The following OGG1 variants were observed in gnomAD, a reference collection of about 807,000 sequenced individuals.
The protein encoded by OGG1 is N-glycosylase/DNA lyase.
OGG1 carries 35 observed loss-of-function variants against 42.3 expected under a neutral mutation model. The ratio of observed to expected loss-of-function variants is 0.83; its 90% confidence interval spans 0.63 to 1.10. The LOEUF is 1.10. OGG1 is among the 50% of genes least tolerant of loss of function. The pLI, the probability that OGG1 is intolerant of heterozygous loss-of-function variation, is 0.00. For synonymous variants in OGG1, 189 were observed against 179.0 expected (o/e 1.06, Z -0.44); for missense variants, 484 against 446.7 (o/e 1.08, Z -0.75).
At chr3:9,756,315 A>C (rs1251958214) in intron 4 of OGG1, among the ~76,000 whole-genome samples, 156 bp from the exon 5 acceptor site, 3 of 152,234 alleles carry the variant, frequency 2.0e-5, no homozygotes, top group African/African-American at 2.4e-5. Flanking sequence ...AACAAACAAA[A>C]AAAAAGTGTA....
intron 4 of OGG1, among the ~76,000 whole-genome samples, chr3:9,755,914 C>T (rs187093041): frequency 9.9e-4 from 151 of 152,314 alleles, no homozygotes; most frequent in Admixed American, 2.6e-3. Context: ...CTTTCAAAGC[C>T]TCAGTTTTCT....
At chr3:9,787,210 A>C in intron 3 of OGG1, 1 of 1,614,190 alleles carries the variant, frequency 6.2e-7, no homozygotes, top group South Asian at 1.1e-5. Context: ...TTTAGTGTCC[A>C]GTTCGGTCAG....
downstream of OGG1, chr3:9,757,441 G>C (rs2077631524): frequency 1.9e-6 from 3 of 1,607,360 alleles, no homozygotes; most frequent in African/African-American, 4.0e-5. The surrounding 1 kb of genome is among the most constrained non-coding windows in gnomAD (Gnocchi z 4.5). Flanking sequence ...CAGGTGAGGA[G>C]GGGACAGGGC....
intron 2 of OGG1, 36 bp downstream of exon 2, chr3:9,751,228 G>A (rs764290668): frequency 1.2e-6 from 2 of 1,607,746 alleles, no homozygotes; most frequent in South Asian, 1.1e-5. Context: ...TAGGGTTCTT[G>A]GACATAAGTC....
At chr3:9,771,926 C>T (rs969245349) in intron 2 of OGG1, among the ~76,000 whole-genome samples, 2 of 149,846 alleles carry the variant, frequency 1.3e-5, no homozygotes, top group African/African-American at 4.9e-5. Flanking sequence ...AAGCAATTCT[C>T]CTGCCTCAGC....
At chr3:9,780,645 G>T in intron 2 of OGG1, 1 of 1,305,880 alleles carries the variant, frequency 7.7e-7, no homozygotes. Context: ...GCCCAGGCTG[G>T]CATGCCTGTG....
intron 2 of OGG1, among the ~76,000 whole-genome samples, chr3:9,778,789 A>C (rs2078398311): frequency 6.6e-6 from 1 of 152,166 alleles, no homozygotes; most frequent in Non-Finnish European, 1.5e-5. Context: ...TTGACTGGCC[A>C]AGCTGGGGTC....
chr3:9,761,667 C>T (rs945677826), downstream of OGG1: 2 of 1,614,190 alleles, frequency 1.2e-6, no homozygotes, highest in Non-Finnish European at 1.7e-6. Context: ...GTGGAGAGCA[C>T]ACTGCCCGGG....
At chr3:9,751,253 C>T in intron 2 of OGG1, 61 bp downstream of exon 2, 1 of 1,564,876 alleles carries the variant, frequency 6.4e-7, no homozygotes, top group Non-Finnish European at 8.7e-7. Context: ...CTCTATGACT[C>T]AGTTTTGCCA....
At chr3:9,760,745 T>G, downstream of OGG1, 1 of 1,614,020 alleles carries the variant, frequency 6.2e-7, no homozygotes. Context: ...ATTCTCGTCA[T>G]AGAAGGGAGG....
At position 9,757,273 on chromosome 3, in the gene OGG1, G is replaced by A. The variant is rs1210946949; in HGVS notation, c.*123G>A. On this transcript the variant is annotated 3_prime_UTR_variant, in exon 7 of 7. Transcript: ENST00000344629. The surrounding 1 kb of genome is among the most constrained non-coding windows in gnomAD (Gnocchi z 4.5). ...CTCCCTGTGACTACCTCAAAGGCCAGGCACCCCCAAATCAAGCAGTCAGTT... is the reference window on the plus strand; with the variant it reads ...CTCCCTGTGACTACCTCAAAGGCCAAGCACCCCCAAATCAAGCAGTCAGTT... The A allele has an allele frequency of 6.2e-7, 1 of 1,614,184 alleles. No homozygotes were observed. Among genetic ancestry groups the A allele is most frequent in the Non-Finnish European group, 8.5e-7 (1 of 1,180,036 alleles).
At chr3:9,761,007 A>C (rs1575230793), downstream of OGG1, 1 of 496,182 alleles carries the variant, frequency 2.0e-6, no homozygotes, top group Admixed American at 3.6e-5. Context: ...TGCCTATGCC[A>C]CTCTTTCCCC....
chr3:9,756,194 G>A (rs1421895048), intron 4 of OGG1, among the ~76,000 whole-genome samples: 2 of 152,194 alleles, frequency 1.3e-5, no homozygotes, highest in Admixed American at 6.5e-5. Context: ...GCACATGCCT[G>A]TAATCCCAGC....
At chr3:9,774,788 C>T (rs1197267577) in intron 2 of OGG1, among the ~76,000 whole-genome samples, 1 of 152,136 alleles carries the variant, frequency 6.6e-6, no homozygotes, top group Non-Finnish European at 1.5e-5. Context: ...GTCCTACATT[C>T]TGGTGGGAAA....
chr3:9,787,894 G>C (rs1247748814), exon 4 of OGG1: 2 of 388,736 alleles, frequency 5.1e-6, no homozygotes, highest in Non-Finnish European at 9.8e-6. Flanking sequence ...CTGTCAAGGA[G>C]ACAAGAGGGA....
chr3:9,771,517 A>C (rs1575276625), downstream of OGG1, among the ~76,000 whole-genome samples: 2 of 152,370 alleles, frequency 1.3e-5, no homozygotes, highest in African/African-American at 4.8e-5. Context: ...TGCCTAGAAC[A>C]CTATTCAAAA....
In OGG1 at chr3:9,757,140, C is replaced by G; in HGVS notation, c.1028C>G (p.Pro343Arg). The change falls in exon 7 of 7, where the codon CCG becomes CGG. Residue 343 changes from proline (P) to arginine (R), a missense_variant. Transcript: ENST00000344629. The surrounding 1 kb of genome is among the most constrained non-coding windows in gnomAD (Gnocchi z 4.5). ...AAGCGCAGAAAGGGTTCCAAAGGGC[C>G]GGAAGGCTAGATGGGGCACCCTGGA... Reference protein sequence around the residue: ...PAKRRKGSKGPEG With the variant: ...PAKRRKGSKGREG The G allele has an allele frequency of 6.2e-7, 1 of 1,614,122 alleles. No individual in the cohort carries two copies. The highest frequency in any genetic ancestry group is 8.5e-7 in the Non-Finnish European group (1 of 1,180,000).
At chr3:9,789,671 C>T, downstream of OGG1, 4 of 1,609,724 alleles carry the variant, frequency 2.5e-6, no homozygotes, top group Non-Finnish European at 2.5e-6. Flanking sequence ...GCCTCCACCA[C>T]CAGAACCTTG....
Position 9,757,329 on chromosome 3 carries a change from G to A in OGG1, c.*179G>A. Reference sequence around the variant, plus strand: ...AACAAGATGGGGTGGGGGATATTGAGGGAGACAGCGCTAAGGATGGTTTTA... The same window carrying A: ...AACAAGATGGGGTGGGGGATATTGAAGGAGACAGCGCTAAGGATGGTTTTA... On this transcript the variant is annotated 3_prime_UTR_variant, in exon 7 of 7. Coordinates refer to ENST00000344629, the MANE Select transcript of OGG1 (RefSeq NM_002542.6). The surrounding 1 kb of genome is among the most constrained non-coding windows in gnomAD (Gnocchi z 4.5). The A allele has an allele frequency of 6.2e-7, 1 of 1,614,028 alleles. No individual in the cohort carries two copies.
Sources: allele counts gnomAD v4.1 joint callset (sites outside exome capture counted in the v4.1 genomes callset), GRCh38; gene constraint gnomAD v4.1.1; non-coding constraint Gnocchi (gnomAD v3.1); transcripts MANE v1.5; gene names NCBI Gene and HGNC (gene_info 2026-07-23, HGNC 2026-07-21).